Variants in TMEFF2 observed in about 807,000 individuals in gnomAD.
The protein encoded by TMEFF2 is transmembrane protein with EGF like and two follistatin like domains 2, also known as tomoregulin-2.
In TMEFF2, 28 loss-of-function variants were observed where a neutral mutation model predicts 53.8. The ratio of observed to expected loss-of-function variants is 0.52; its 90% CI spans 0.39 to 0.71. The LOEUF (loss-of-function observed/expected upper bound fraction) is 0.71. Among genes scored for constraint, TMEFF2 ranks in the 30% least tolerant of loss-of-function variants. The pLI is 0.00. For synonymous variants in TMEFF2, 162 were observed against 166.3 expected, an observed-to-expected ratio of 0.97 and a Z score of 0.20; for missense variants, 353 against 455.2, an observed-to-expected ratio of 0.78 and a Z score of 2.04.
chr2:192,126,029 AAAAGTT>A (rs1482697141), intron 4 of TMEFF2, among the ~76,000 whole-genome samples: 2 of 152,236 alleles, frequency 1.3e-5, no homozygotes, highest in African/African-American at 2.4e-5. Context: ...AACTTAAAAT[AAAAGTT>A]AAAGAAACAA....
intron 5 of TMEFF2, among the ~76,000 whole-genome samples, chr2:192,039,204 A>G (rs1687412863): frequency 6.6e-6 from 1 of 152,232 alleles, no homozygotes; most frequent in South Asian, 2.1e-4. Context: ...TACAAGTCCT[A>G]TTGTGAGGAT....
chr2:192,127,261 T>A (rs945223689), intron 4 of TMEFF2, among the ~76,000 whole-genome samples: 1 of 152,208 alleles, frequency 6.6e-6, no homozygotes, highest in Non-Finnish European at 1.5e-5. Flanking sequence ...CATCAAGGTA[T>A]AATTTTGTAA....
chr2:192,162,152 G>A (rs1690649271), intron 4 of TMEFF2, among the ~76,000 whole-genome samples: 1 of 152,106 alleles, frequency 6.6e-6, no homozygotes, highest in Non-Finnish European at 1.5e-5. Flanking sequence ...TGACCCCAAA[G>A]TAAACTTACT....
chr2:192,014,821 A>G (rs1296249289), intron 5 of TMEFF2, among the ~76,000 whole-genome samples: 1 of 152,240 alleles, frequency 6.6e-6, no homozygotes, highest in African/African-American at 2.4e-5. Context: ...AACAAGAGGA[A>G]AAATGAGTAT....
intron 4 of TMEFF2, among the ~76,000 whole-genome samples, chr2:192,122,163 T>G (rs1442222148): frequency 6.6e-6 from 1 of 152,164 alleles, no homozygotes; most frequent in Non-Finnish European, 1.5e-5. Flanking sequence ...GCCCCATATA[T>G]ATACATAATT....
At chr2:191,987,020 C>T (rs1351859232) in intron 7 of TMEFF2, among the ~76,000 whole-genome samples, 1 of 152,016 alleles carries the variant, frequency 6.6e-6, no homozygotes, top group African/African-American at 2.4e-5. Context: ...ACTTCTAGAC[C>T]TCATCTAATA....
chr2:192,091,326 G>A (rs1326636361), intron 4 of TMEFF2, among the ~76,000 whole-genome samples: 3 of 152,098 alleles, frequency 2.0e-5, no homozygotes, highest in African/African-American at 7.2e-5. Context: ...AAATCACAGA[G>A]ATGATCAGGA....
chr2:192,169,729 T>C (rs1351551394), intron 4 of TMEFF2, among the ~76,000 whole-genome samples: 1 of 152,064 alleles, frequency 6.6e-6, no homozygotes, highest in Non-Finnish European at 1.5e-5. Flanking sequence ...AAGATATAGA[T>C]CTGAGAACTA....
rs1179334998 is a variant in TMEFF2 at position 192,147,639 on chromosome 2, C to T, written c.439+32029G>A. Among the ~76,000 whole-genome samples, 9 of 151,816 alleles carry T rather than the reference C, an allele frequency of 5.9e-5. No homozygotes were observed. In the East Asian group the frequency reaches 9.7e-4, roughly 16 times the overall value. ...AATGATGGTTTCCATTTTCAACAAA[C>T]GTTAAAAAAAATTAATACCCAATTG... is the stretch of plus-strand genomic sequence containing the variant. On this transcript the variant is annotated intron_variant, in intron 4 of 9. Transcript: ENST00000272771.
chr2:192,174,457 C>G (rs1325181814), intron 4 of TMEFF2, among the ~76,000 whole-genome samples: 1 of 151,426 alleles, frequency 6.6e-6, no homozygotes, highest in African/African-American at 2.4e-5. Flanking sequence ...TTTTGTTATC[C>G]ATTACATGGT....
chr2:191,964,359 TCTTTCTTTCTTTC>T (rs1692382288), intron 7 of TMEFF2, among the ~76,000 whole-genome samples: 2 of 104,008 alleles, frequency 1.9e-5, no homozygotes, highest in Non-Finnish European at 3.7e-5. Context: ...TTTCTTTCTT[TCTTTCTTTCTTTC>T]TCTTTCTTTC....
chr2:191,969,175 A>C (rs998774686), intron 7 of TMEFF2, among the ~76,000 whole-genome samples: 6 of 151,726 alleles, frequency 4.0e-5, no homozygotes, highest in Non-Finnish European at 7.4e-5. Context: ...ATAGAGAGAG[A>C]GAGCTAACGT....
intron 4 of TMEFF2, among the ~76,000 whole-genome samples, chr2:192,109,135 G>C (rs1352147364): frequency 6.6e-6 from 1 of 151,980 alleles, no homozygotes; most frequent in Non-Finnish European, 1.5e-5. Context: ...TAATGCCACT[G>C]AATTACACAC....
chr2:192,067,364 T>C (rs544723506), intron 4 of TMEFF2, among the ~76,000 whole-genome samples: 99 of 151,908 alleles, frequency 6.5e-4, no homozygotes, highest in African/African-American at 2.2e-3. Flanking sequence ...TGTGGGTACA[T>C]ATGTAGAGAG....
chr2:192,120,353 C>T (rs1307583454), intron 4 of TMEFF2, among the ~76,000 whole-genome samples: 2 of 152,148 alleles, frequency 1.3e-5, no homozygotes, highest in South Asian at 2.1e-4. Context: ...ATGGAAAGAG[C>T]GAAATTCCAC....
chr2:192,174,835 G>T (rs1330318950), intron 4 of TMEFF2, among the ~76,000 whole-genome samples: 1 of 151,586 alleles, frequency 6.6e-6, no homozygotes, highest in African/African-American at 2.4e-5. Flanking sequence ...ACCATGATGA[G>T]GTATGTTGTG....
chr2:192,033,968 G>C (rs985851966), intron 5 of TMEFF2, among the ~76,000 whole-genome samples: 1 of 152,082 alleles, frequency 6.6e-6, no homozygotes, highest in African/African-American at 2.4e-5. Context: ...GAGGTCAGGA[G>C]ATTGAGACCA....
intron 4 of TMEFF2, among the ~76,000 whole-genome samples, chr2:192,146,917 A>G (rs1690265862): frequency 6.6e-6 from 1 of 152,124 alleles, no homozygotes; most frequent in Non-Finnish European, 1.5e-5. Flanking sequence ...GTTCAAAGGA[A>G]AAATTGTAAC....
intron 4 of TMEFF2, among the ~76,000 whole-genome samples, chr2:192,127,456 C>T (rs1207416659): frequency 4.6e-5 from 7 of 152,234 alleles, no homozygotes; most frequent in African/African-American, 1.7e-4. Context: ...TTCTCTAAAT[C>T]CAAAATGTAA....
Sources: gnomAD v4.1 joint callset for allele counts (sites outside exome capture counted in the v4.1 genomes callset) on GRCh38, gnomAD v4.1.1 for gene constraint, MANE v1.5 for transcripts, NCBI Gene and HGNC (gene_info 2026-07-23, HGNC 2026-07-21) for gene names.